The following MEI1 variants were observed in gnomAD, a reference collection of about 807,000 sequenced individuals.
The protein encoded by MEI1 is meiotic double-stranded break formation protein 1.
MEI1 carries 103 observed loss-of-function variants against 146.2 expected under a neutral mutation model. The observed-to-expected ratio is 0.70, with a 90% CI of 0.60 to 0.83. The LOEUF (loss-of-function observed/expected upper bound fraction) is 0.83, where lower values mean the gene tolerates loss of function less well. Among genes scored for constraint, MEI1 ranks in the 40% least tolerant of loss-of-function variants. MEI1 has a pLI of 0.00. For synonymous variants in MEI1, 652 were observed against 628.2 expected (o/e 1.04, Z -0.57); for missense variants, 1,529 against 1,533.0 (o/e 1.00, Z 0.04).
chr22:41,741,109 TATC>T (rs1261570965), intron 11 of MEI1, among the ~76,000 whole-genome samples: 1 of 152,168 alleles, frequency 6.6e-6, no homozygotes, highest in Non-Finnish European at 1.5e-5. Context: ...CAGGGTTTCA[TATC>T]ATAATGTTTT....
At chr22:41,742,001 C>A (rs945604019) in intron 11 of MEI1, among the ~76,000 whole-genome samples, 2 of 150,942 alleles carry the variant, frequency 1.3e-5, no homozygotes, top group Non-Finnish European at 2.9e-5. Context: ...TGGCTCATGC[C>A]TGTAATCCCA....
intron 23 of MEI1, 39 bp from the exon 24 acceptor site, chr22:41,781,645 CT>C: frequency 6.2e-6 from 10 of 1,602,044 alleles, no homozygotes; most frequent in Non-Finnish European, 8.5e-6. Context: ...TGAAGCTCCT[CT>C]GTAACTCCTG....
At chr22:41,754,898 A>G (rs757084224) in intron 17 of MEI1, among the ~76,000 whole-genome samples, 68 of 152,298 alleles carry the variant, frequency 4.5e-4, no homozygotes, top group Admixed American at 1.2e-3. Flanking sequence ...AACTGGGCAA[A>G]AGGATAGAGA....
intron 21 of MEI1, among the ~76,000 whole-genome samples, 196 bp from the exon 22 acceptor site, chr22:41,778,512 C>G (rs150831897): frequency 1.5e-3 from 225 of 152,344 alleles, no homozygotes; most frequent in Non-Finnish European, 2.5e-3. Flanking sequence ...CAACCTATGT[C>G]TGGCACTTAG....
intron 7 of MEI1, among the ~76,000 whole-genome samples, chr22:41,724,660 A>G (rs1462901234): frequency 2.0e-5 from 3 of 150,608 alleles, no homozygotes; most frequent in South Asian, 2.1e-4. Context: ...GCGTGGTGGT[A>G]TGCACCTGTA....
intron 3 of MEI1, chr22:41,709,087 A>ATT: frequency 1.8e-6 from 1 of 563,212 alleles, no homozygotes; most frequent in South Asian, 1.8e-5. Context: ...TCCCCAAAAT[A>ATT]TAACAGTGAA....
At chr22:41,756,627 C>G (rs1226224291) in intron 17 of MEI1, among the ~76,000 whole-genome samples, 2 of 151,118 alleles carry the variant, frequency 1.3e-5, no homozygotes, top group South Asian at 2.1e-4. Context: ...GCACTTGCCA[C>G]CACGCTTGTC....
At chr22:41,710,718 A>T (rs1038403641) in intron 3 of MEI1, among the ~76,000 whole-genome samples, 16 of 152,218 alleles carry the variant, frequency 1.1e-4, no homozygotes, top group African/African-American at 3.9e-4. Flanking sequence ...GAATACCATG[A>T]TATTGAATAA....
chr22:41,718,031 T>G (rs764214059), intron 5 of MEI1, 40 bp from the exon 6 acceptor site: 2 of 1,504,860 alleles, frequency 1.3e-6, no homozygotes, highest in Non-Finnish European at 1.8e-6. Context: ...CAGTTGACAT[T>G]GTGAAATTTC....
In MEI1 at chr22:41,778,889, T is replaced by G. The variant is rs2075609128; in HGVS notation, c.2815+77T>G. On this transcript the variant is annotated intron_variant, in intron 22 of 30. Coordinates refer to ENST00000401548, the MANE Select transcript of MEI1 (RefSeq NM_152513.4). ...TGGGTGCTCACTAAGTAGGCTGGTG[T>G]TCTTCTTTCTTCTACTCTTTCATCC... The G allele has an allele frequency of 4.1e-6, 4 of 975,164 alleles. No individual in the cohort carries two copies. In the Admixed American group the frequency reaches 8.4e-5, roughly 20 times the overall value. The allele number at this position is 975,164 out of a possible 1,614,324, so 60.4% of individuals were successfully genotyped here. A position where few individuals can be genotyped will look rare whatever the true frequency, so the allele number is the denominator to read the frequency against.
At position 41,784,384 on chromosome 22, in the gene MEI1, C is replaced by G. The variant is rs1457962333; in HGVS notation, c.3133C>G (p.Leu1045Val). ...SVEMDQVLKA[L>V]SFPKKKAALL... ...GGAAATGGACCAAGTATTGAAGGCT[C>G]TCAGCTTTCCAAAGAAAAAGGCTGC... Residue 1045 changes from leucine to valine, a missense_variant, in exon 25 of 31, where the codon CTC becomes GTC. Coordinates refer to ENST00000401548, the MANE Select transcript of MEI1 (RefSeq NM_152513.4). 1.9e-6 allele frequency: 3 copies of G among 1,613,984 alleles called. No homozygotes were observed. Among genetic ancestry groups the G allele is most frequent in the East Asian group, 4.5e-5 (2 of 44,882 alleles).
At chr22:41,738,587 A>AAAAAC (rs907025717) in intron 11 of MEI1, among the ~76,000 whole-genome samples, 16 of 151,728 alleles carry the variant, frequency 1.1e-4, no homozygotes, top group South Asian at 2.1e-4. Flanking sequence ...ACTCTGTCTC[A>AAAAAC]AAAACAAAAC....
chr22:41,718,118 GGCATACAAGCT>G lies in MEI1; in HGVS notation c.578_588del (p.Gly193ValfsTer17). ...GAGAGGCTTAGTATACCCCAGTGAG[GGCATACAAGCT>G]TCTGTCTGTTACCTTTATGGGAAGC... On this transcript the variant is annotated frameshift_variant, in exon 6 of 31. Coordinates refer to ENST00000401548, the MANE Select transcript of MEI1 (RefSeq NM_152513.4). LOFTEE classifies it high-confidence loss of function. 1 of 1,613,446 alleles carries G rather than the reference GGCATACAAGCT, an allele frequency of 6.2e-7. No individual in the cohort carries two copies. Among genetic ancestry groups the G allele is most frequent in the Non-Finnish European group, 8.5e-7 (1 of 1,179,862 alleles).
intron 3 of MEI1, 97 bp downstream of exon 3, chr22:41,705,651 A>G (rs2069031456): frequency 2.9e-6 from 3 of 1,038,150 alleles, no homozygotes; most frequent in South Asian, 1.3e-5. Context: ...GTCTGTTTAG[A>G]CACAGATAAG....
intron 2 of MEI1, 120 bp from the exon 3 acceptor site, chr22:41,705,384 C>T: frequency 2.4e-6 from 2 of 848,762 alleles, no homozygotes; most frequent in East Asian, 2.5e-5. Context: ...ATTGGTCAGG[C>T]TTTTCTTGAA....
At position 41,758,384 on chromosome 22, in the gene MEI1, GCTC is replaced by G. The variant is rs1193671655; in HGVS notation, c.1974_1976del (p.Leu659del). On this transcript the variant is annotated inframe_deletion, in exon 18 of 31. Transcript: ENST00000401548. ...CCCTAGAACTCTCTGCAGTGTCTGA[GCTC>G]CTGCAGCATGGGCTGCCCCAGATAA... The G allele has an allele frequency of 1.2e-6, 2 of 1,613,516 alleles. No homozygotes were observed. The highest frequency in any genetic ancestry group is 3.3e-5 in the Admixed American group (2 of 60,002).
chr22:41,793,435 G>A (rs1352846652), intron 26 of MEI1, among the ~76,000 whole-genome samples: 3 of 152,122 alleles, frequency 2.0e-5, no homozygotes, highest in Admixed American at 2.0e-4. Flanking sequence ...CTCAGTAGCT[G>A]GGACTACAGG....
chr22:41,740,394 G>A (rs769403833), intron 11 of MEI1, among the ~76,000 whole-genome samples: 1 of 152,024 alleles, frequency 6.6e-6, no homozygotes, highest in Non-Finnish European at 1.5e-5. Context: ...GTGGTTCAGA[G>A]TGTCTTTGGA....
chr22:41,700,788 C>G (rs1408168870), intron 1 of MEI1, among the ~76,000 whole-genome samples: 1 of 141,056 alleles, frequency 7.1e-6, no homozygotes, highest in African/African-American at 2.9e-5. Context: ...AGAAACGGTC[C>G]CGGGGGTCTC....
Sources: gnomAD v4.1 joint callset for allele counts (sites outside exome capture counted in the v4.1 genomes callset) on GRCh38, gnomAD v4.1.1 for gene constraint, MANE v1.5 for transcripts, NCBI Gene and HGNC (gene_info 2026-07-23, HGNC 2026-07-21) for gene names.